Variants in SERGEF observed in about 807,000 individuals in gnomAD.
SERGEF encodes the protein secretion-regulating guanine nucleotide exchange factor.
A neutral mutation model predicts 50.0 loss-of-function variants in SERGEF; 51 were observed. That is an observed-to-expected ratio of 1.02 (90% CI 0.81 to 1.29). The LOEUF (loss-of-function observed/expected upper bound fraction) is 1.29. SERGEF is among the 50% of genes most tolerant of loss of function. The probability of loss-of-function intolerance (pLI) is 0.00; values close to 1 mark genes in which losing one functional copy is unlikely to be tolerated. For synonymous variants in SERGEF, 205 were observed against 212.4 expected (o/e 0.97, Z 0.30); for missense variants, 521 against 557.0 (o/e 0.94, Z 0.65).
intron 9 of SERGEF, among the ~76,000 whole-genome samples, chr11:17,893,285 T>C (rs1161796266): frequency 1.3e-5 from 2 of 152,242 alleles, no homozygotes; most frequent in African/African-American, 2.4e-5. Context: ...GTCTGACATA[T>C]GTAAGCTGTC....
intron 8 of SERGEF, among the ~76,000 whole-genome samples, chr11:17,972,320 T>C (rs577550668): frequency 3.3e-5 from 5 of 152,210 alleles, no homozygotes; most frequent in East Asian, 1.9e-4. Context: ...AGAGTTCAAC[T>C]GATGTGGCAA....
At position 17,811,802 on chromosome 11, in the gene SERGEF, A is replaced by C. The variant is rs1590128572; in HGVS notation, c.1049-23389T>G. On this transcript the variant is annotated intron_variant, in intron 10 of 10. Transcript: ENST00000265965. ...TTCAGTCCTTCAAATTCTGAAAAGAATGAGGTTGAGGAACAGTAACAGACA... is the reference window on the plus strand; with the variant it reads ...TTCAGTCCTTCAAATTCTGAAAAGACTGAGGTTGAGGAACAGTAACAGACA... 2.6e-5 allele frequency among the ~76,000 whole-genome samples: 4 copies of C among 152,246 alleles called. No homozygotes were observed. In the East Asian group the frequency reaches 7.7e-4, roughly 29 times the overall value.
chr11:17,815,767 C>T (rs992945488), intron 10 of SERGEF, among the ~76,000 whole-genome samples: 3 of 151,480 alleles, frequency 2.0e-5, no homozygotes, highest in African/African-American at 7.3e-5. Context: ...ACTAAAAATA[C>T]AAAAATTAGC....
intron 10 of SERGEF, among the ~76,000 whole-genome samples, chr11:17,850,344 CT>C (rs1407525990): frequency 7.2e-5 from 11 of 152,144 alleles, no homozygotes. Context: ...TCCTAGCCTC[CT>C]CAGTAACAAC....
intron 10 of SERGEF, among the ~76,000 whole-genome samples, chr11:17,800,896 C>T (rs1362012129): frequency 6.6e-6 from 1 of 152,052 alleles, no homozygotes; most frequent in Non-Finnish European, 1.5e-5. Context: ...AGAGGCAGGC[C>T]TTAAAATTGA....
intron 10 of SERGEF, among the ~76,000 whole-genome samples, chr11:17,875,189 T>C (rs1360087674): frequency 6.6e-6 from 1 of 152,186 alleles, no homozygotes; most frequent in Non-Finnish European, 1.5e-5. Context: ...CCACTGGAAA[T>C]GACAGAATAG....
intron 10 of SERGEF, among the ~76,000 whole-genome samples, chr11:17,850,027 G>T (rs552748204): frequency 6.6e-6 from 1 of 152,204 alleles, no homozygotes; most frequent in East Asian, 1.9e-4. Flanking sequence ...TCTGGAGGCT[G>T]GAAAGTCCAA....
chr11:17,932,968 C>T (rs895963937), intron 9 of SERGEF, among the ~76,000 whole-genome samples: 156 of 152,260 alleles, frequency 1.0e-3, no homozygotes, highest in African/African-American at 3.5e-3. Context: ...TAATGTTTAA[C>T]TCCAACTAAG....
chr11:17,810,534 G>C, intron 10 of SERGEF, among the ~76,000 whole-genome samples: 1 of 152,186 alleles, frequency 6.6e-6, no homozygotes, highest in East Asian at 1.9e-4. Context: ...AGAAAACTGG[G>C]GCCTGGAGAA....
intron 9 of SERGEF, among the ~76,000 whole-genome samples, chr11:17,941,031 C>A (rs762081780): frequency 7.9e-5 from 12 of 152,122 alleles, no homozygotes; most frequent in Non-Finnish European, 1.6e-4. Flanking sequence ...AATAATTGTA[C>A]AATGAACACT....
chr11:17,867,809 C>T (rs1218921804), intron 10 of SERGEF, among the ~76,000 whole-genome samples: 2 of 152,198 alleles, frequency 1.3e-5, no homozygotes, highest in Admixed American at 1.3e-4. Flanking sequence ...CTCGCAGGCT[C>T]GACACCATGT....
chr11:17,969,162 C>T (rs1017091165), intron 8 of SERGEF, among the ~76,000 whole-genome samples: 16 of 152,204 alleles, frequency 1.1e-4, no homozygotes, highest in African/African-American at 3.9e-4. Flanking sequence ...CGAGTCCCTG[C>T]TCTGAGATGT....
intron 9 of SERGEF, among the ~76,000 whole-genome samples, chr11:17,954,195 C>T (rs1852820779): frequency 6.6e-6 from 1 of 152,198 alleles, no homozygotes; most frequent in Non-Finnish European, 1.5e-5. Flanking sequence ...GTGTTCAATT[C>T]TGTCAGAGCC....
chr11:17,987,987 A>G (rs935313381), intron 8 of SERGEF, among the ~76,000 whole-genome samples: 1 of 152,222 alleles, frequency 6.6e-6, no homozygotes, highest in African/African-American at 2.4e-5. Flanking sequence ...CAAAGTTAAC[A>G]ATATGAAGGC....
chr11:17,810,342 G>A (rs992130210), intron 10 of SERGEF, among the ~76,000 whole-genome samples: 1 of 152,094 alleles, frequency 6.6e-6, no homozygotes, highest in Non-Finnish European at 1.5e-5. Context: ...TCCCCATCCC[G>A]CAATCAGGAA....
intron 10 of SERGEF, among the ~76,000 whole-genome samples, chr11:17,811,432 T>C (rs773022193): frequency 2.6e-5 from 4 of 152,194 alleles, no homozygotes; most frequent in Non-Finnish European, 4.4e-5. Context: ...GAGAAAATAA[T>C]GGGTTTGACT....
chr11:17,915,145 T>A (rs1441911296), intron 9 of SERGEF, among the ~76,000 whole-genome samples: 1 of 151,964 alleles, frequency 6.6e-6, no homozygotes, highest in Non-Finnish European at 1.5e-5. Flanking sequence ...ATGCTCGTTG[T>A]ATGAATGAAT....
chr11:17,881,415 G>A (rs557250393), intron 9 of SERGEF, among the ~76,000 whole-genome samples: 35 of 152,312 alleles, frequency 2.3e-4, no homozygotes, highest in African/African-American at 8.4e-4. Flanking sequence ...GTTCCCCACT[G>A]CTTCTTGCTG....
At chr11:17,939,137 T>C (rs917997145) in intron 9 of SERGEF, among the ~76,000 whole-genome samples, 4 of 152,018 alleles carry the variant, frequency 2.6e-5, no homozygotes, top group African/African-American at 9.7e-5. Flanking sequence ...TTTCATATTA[T>C]CAGAAAAGAA....
Sources: allele counts gnomAD v4.1 joint callset (sites outside exome capture counted in the v4.1 genomes callset), GRCh38; gene constraint gnomAD v4.1.1; transcripts MANE v1.5; gene names NCBI Gene and HGNC (gene_info 2026-07-23, HGNC 2026-07-21).